CSMD2: variants seen among roughly 807,000 people sequenced by gnomAD.
CSMD2 encodes CUB and sushi domain-containing protein 2.
CSMD2 carries 130 observed loss-of-function variants against 398.5 expected under a neutral mutation model. The ratio of observed to expected loss-of-function variants is 0.33; its 90% CI spans 0.28 to 0.38. The LOEUF (loss-of-function observed/expected upper bound fraction) is 0.38. Ranked by LOEUF, CSMD2 falls within the 10% of genes least tolerant of loss-of-function variation. The probability of loss-of-function intolerance (pLI) is 1.00; values close to 1 mark genes in which losing one functional copy is unlikely to be tolerated. For synonymous variants in CSMD2, 1,828 were observed against 1,908.5 expected (o/e 0.96, Z 1.10); for missense variants, 3,829 against 4,764.9 (o/e 0.80, Z 5.78).
chr1:33,985,502 A>T (rs544682608), intron 3 of CSMD2, among the ~76,000 whole-genome samples: 1 of 152,320 alleles, frequency 6.6e-6, no homozygotes, highest in East Asian at 1.9e-4. Context: ...TTGGGAAGGC[A>T]TGGGGCTGGC....
chr1:33,967,691 G>T (rs538820324), intron 3 of CSMD2, among the ~76,000 whole-genome samples: 16 of 152,326 alleles, frequency 1.1e-4, no homozygotes, highest in Admixed American at 2.6e-4. Flanking sequence ...CCTTCCCGAT[G>T]AGAGTAGGGC....
chr1:33,620,488 G>A (rs780247829), intron 37 of CSMD2, among the ~76,000 whole-genome samples: 162 of 152,328 alleles, frequency 1.1e-3, no homozygotes, highest in Admixed American at 3.3e-3. Context: ...CTTGGACGAA[G>A]AAAATTGAGA....
At chr1:33,642,356 A>G (rs1643159033) in intron 29 of CSMD2, among the ~76,000 whole-genome samples, 1 of 151,568 alleles carries the variant, frequency 6.6e-6, no homozygotes, top group African/African-American at 2.4e-5. Context: ...CAAAAAAAAA[A>G]AAAAAAAAAG....
chr1:33,908,814 G>A lies in CSMD2; in HGVS notation c.920+9280C>T, dbSNP rs76952460. Among the ~76,000 whole-genome samples, 52 of 152,290 alleles carry A rather than the reference G, an allele frequency of 3.4e-4. No homozygotes were observed. In the East Asian group the frequency reaches 4.2e-3, roughly 12 times the overall value. ...GGCACTAATCTTTTCTTACTGCTCCGCGGCAGAGCTTGTAATGCTATTTCC... is the reference window on the plus strand; with the variant it reads ...GGCACTAATCTTTTCTTACTGCTCCACGGCAGAGCTTGTAATGCTATTTCC... On this transcript the variant is annotated intron_variant, in intron 5 of 70. Transcript: ENST00000373381.
chr1:33,726,518 C>G, intron 16 of CSMD2, 29 bp downstream of exon 16: 3 of 1,588,120 alleles, frequency 1.9e-6, no homozygotes, highest in Non-Finnish European at 2.6e-6. Context: ...CCCCCTTGCC[C>G]TCTCCCCCAA....
At chr1:33,724,095 G>T in intron 19 of CSMD2, 102 bp downstream of exon 19, 1 of 766,212 alleles carries the variant, frequency 1.3e-6, no homozygotes, top group Non-Finnish European at 2.3e-6. Flanking sequence ...AAGCCCAGAG[G>T]TCACTATCTA....
At chr1:33,585,251 G>A (rs565218004) in intron 46 of CSMD2, among the ~76,000 whole-genome samples, 1 of 152,276 alleles carries the variant, frequency 6.6e-6, no homozygotes, top group East Asian at 1.9e-4. Context: ...CTGCTAAAAG[G>A]GAGGTTCTGG....
intron 3 of CSMD2, among the ~76,000 whole-genome samples, chr1:33,974,237 T>C (rs1310364670): frequency 6.6e-6 from 1 of 152,298 alleles, no homozygotes; most frequent in Non-Finnish European, 1.5e-5. Flanking sequence ...GGGACAGGTG[T>C]TGGAGACTGC....
At chr1:33,540,096 A>G (rs1474416061) in intron 60 of CSMD2, among the ~76,000 whole-genome samples, 1 of 152,136 alleles carries the variant, frequency 6.6e-6, no homozygotes, top group African/African-American at 2.4e-5. Context: ...GCTCCTCAGG[A>G]TACAACTGGG....
At chr1:33,984,388 A>G (rs1194396382) in intron 3 of CSMD2, among the ~76,000 whole-genome samples, 1 of 152,116 alleles carries the variant, frequency 6.6e-6, no homozygotes. Context: ...TGCATTTCTA[A>G]CAAGCTCTCA....
intron 4 of CSMD2, among the ~76,000 whole-genome samples, chr1:33,934,833 G>GAA (rs10552121): frequency 1.3e-4 from 14 of 109,644 alleles, no homozygotes; most frequent in Admixed American, 4.0e-4. Flanking sequence ...CTGTCTCCAT[G>GAA]AAAAAAAAAA....
At chr1:33,781,176 T>TG (rs1375914873) in intron 12 of CSMD2, among the ~76,000 whole-genome samples, 2 of 152,238 alleles carry the variant, frequency 1.3e-5, no homozygotes, top group African/African-American at 4.8e-5. Flanking sequence ...TTATTTTTAC[T>TG]GAGGTTTTAG....
intron 12 of CSMD2, among the ~76,000 whole-genome samples, chr1:33,787,487 G>T (rs556454289): frequency 1.3e-5 from 2 of 152,172 alleles, no homozygotes; most frequent in Admixed American, 1.3e-4. Context: ...GTGACAAAGC[G>T]CTTTCCTGAT....
chr1:34,045,290 T>C (rs1016077124), intron 2 of CSMD2, among the ~76,000 whole-genome samples: 1 of 152,176 alleles, frequency 6.6e-6, no homozygotes, highest in African/African-American at 2.4e-5. Flanking sequence ...GAGCTGAGGC[T>C]GTAGCTACAT....
chr1:33,820,403 C>T, intron 8 of CSMD2, 66 bp downstream of exon 8: 1 of 1,051,166 alleles, frequency 9.5e-7, no homozygotes, highest in East Asian at 2.4e-5. Context: ...AGGCCAGCCC[C>T]TGTCTTCCTC....
intron 6 of CSMD2, among the ~76,000 whole-genome samples, chr1:33,826,303 A>G (rs1235793903): frequency 6.7e-6 from 1 of 149,652 alleles, no homozygotes; most frequent in Non-Finnish European, 1.5e-5. Flanking sequence ...GGTGGAGTAC[A>G]TTCCCCCACT....
intron 5 of CSMD2, among the ~76,000 whole-genome samples, chr1:33,889,540 C>T (rs576467680): frequency 6.6e-6 from 1 of 152,084 alleles, no homozygotes; most frequent in African/African-American, 2.4e-5. Context: ...AGAAAGCTAT[C>T]CTATTAATGC....
intron 15 of CSMD2, among the ~76,000 whole-genome samples, chr1:33,735,082 T>G (rs1646842385): frequency 6.6e-6 from 1 of 152,246 alleles, no homozygotes; most frequent in Non-Finnish European, 1.5e-5. Context: ...GTAGAAATCC[T>G]GCTTTTCGTT....
intron 13 of CSMD2, among the ~76,000 whole-genome samples, chr1:33,771,415 T>C (rs575705064): frequency 7.2e-5 from 11 of 152,254 alleles, no homozygotes; most frequent in African/African-American, 2.6e-4. Flanking sequence ...GCAGATATCA[T>C]GCAATTTATT....
Sources: allele counts gnomAD v4.1 joint callset (sites outside exome capture counted in the v4.1 genomes callset), GRCh38; gene constraint gnomAD v4.1.1; transcripts MANE v1.5; gene names NCBI Gene and HGNC (gene_info 2026-07-23, HGNC 2026-07-21).